DLG2: variants seen among roughly 807,000 people sequenced by gnomAD.
DLG2 encodes the protein disks large homolog 2.
A neutral mutation model predicts 132.5 loss-of-function variants in DLG2; 45 were observed. That is an observed-to-expected ratio of 0.34 (90% CI 0.27 to 0.44). The LOEUF is 0.44. Ranked by LOEUF, DLG2 falls within the 20% of genes least tolerant of loss-of-function variation. The pLI, the probability that DLG2 is intolerant of heterozygous loss-of-function variation, is 1.00. For synonymous variants in DLG2, 424 were observed against 419.6 expected (o/e 1.01, Z -0.13); for missense variants, 1,045 against 1,196.9 (o/e 0.87, Z 1.87).
chr11:84,500,909 T>C (rs974975712), intron 7 of DLG2, among the ~76,000 whole-genome samples: 3 of 152,216 alleles, frequency 2.0e-5, no homozygotes, highest in African/African-American at 4.8e-5. Context: ...ATATTTTATA[T>C]GGCAATTCAC....
chr11:83,875,905 G>C (rs985557720), intron 15 of DLG2, among the ~76,000 whole-genome samples: 1 of 152,114 alleles, frequency 6.6e-6, no homozygotes, highest in African/African-American at 2.4e-5. Flanking sequence ...ACAGAATTTT[G>C]AGACCATAGC....
intron 3 of DLG2, among the ~76,000 whole-genome samples, chr11:85,337,422 T>C (rs2082207649): frequency 6.6e-6 from 1 of 152,134 alleles, no homozygotes; most frequent in Non-Finnish European, 1.5e-5. Flanking sequence ...CACTTCTAGG[T>C]AATGATTCCT....
chr11:84,060,912 C>T (rs1381636021), intron 10 of DLG2, among the ~76,000 whole-genome samples: 1 of 152,146 alleles, frequency 6.6e-6, no homozygotes, highest in Non-Finnish European at 1.5e-5. Context: ...AAATCAACAT[C>T]ATCTCTCAGG....
At chr11:83,920,395 C>T in intron 15 of DLG2, among the ~76,000 whole-genome samples, 1 of 152,142 alleles carries the variant, frequency 6.6e-6, no homozygotes, top group East Asian at 1.9e-4. Context: ...AAATAAAATT[C>T]TACATTCTAA....
intron 4 of DLG2, among the ~76,000 whole-genome samples, chr11:85,228,452 A>G (rs1012622817): frequency 3.3e-5 from 5 of 152,118 alleles, no homozygotes; most frequent in Admixed American, 1.3e-4. Context: ...AGGGAAATAC[A>G]TATTTTAGAA....
At chr11:84,077,912 C>T (rs1270251353) in intron 10 of DLG2, among the ~76,000 whole-genome samples, 1 of 152,086 alleles carries the variant, frequency 6.6e-6, no homozygotes, top group Non-Finnish European at 1.5e-5. Flanking sequence ...AAAACAAAAA[C>T]ACATGTACAA....
At chr11:84,025,451 G>A (rs534355507) in intron 11 of DLG2, among the ~76,000 whole-genome samples, 1 of 152,212 alleles carries the variant, frequency 6.6e-6, no homozygotes, top group East Asian at 1.9e-4. Flanking sequence ...TCTGGATGGG[G>A]ACACAGCCAA....
intron 4 of DLG2, among the ~76,000 whole-genome samples, chr11:85,237,605 C>G (rs1331139577): frequency 6.6e-6 from 1 of 152,022 alleles, no homozygotes; most frequent in Non-Finnish European, 1.5e-5. Context: ...AAGGGGACCC[C>G]TGAAAAACTT....
intron 4 of DLG2, among the ~76,000 whole-genome samples, chr11:85,164,157 CTCTCTT>C (rs372717530): frequency 3.2e-4 from 48 of 152,132 alleles, no homozygotes; most frequent in Admixed American, 8.5e-4. Flanking sequence ...CATAGACTAA[CTCTCTT>C]TCTGACACAA....
At chr11:85,428,814 C>CTTTTCA (rs2090964905) in intron 3 of DLG2, among the ~76,000 whole-genome samples, 2 of 151,990 alleles carry the variant, frequency 1.3e-5, no homozygotes, top group Admixed American at 1.3e-4. Flanking sequence ...ACAAAAAACC[C>CTTTTCA]TTCAAAAAAT....
chr11:84,162,817 T>A (rs1379190301), intron 9 of DLG2, among the ~76,000 whole-genome samples: 1 of 152,166 alleles, frequency 6.6e-6, no homozygotes, highest in Non-Finnish European at 1.5e-5. Context: ...TTTTCATTTG[T>A]TTATTGGCTT....
chr11:83,652,449 C>T (rs1711934111), intron 18 of DLG2, among the ~76,000 whole-genome samples: 1 of 152,190 alleles, frequency 6.6e-6, no homozygotes, highest in Non-Finnish European at 1.5e-5. Flanking sequence ...TGGCTCACTG[C>T]AACCTCCGCC....
chr11:85,455,424 C>A (rs994443104), intron 3 of DLG2, among the ~76,000 whole-genome samples: 2 of 152,162 alleles, frequency 1.3e-5, no homozygotes, highest in Admixed American at 6.6e-5. Context: ...AGCTTTTAGG[C>A]AGAGACTATA....
intron 7 of DLG2, among the ~76,000 whole-genome samples, chr11:84,294,765 G>T (rs556391167): frequency 6.6e-6 from 1 of 151,988 alleles, no homozygotes; most frequent in Non-Finnish European, 1.5e-5. Context: ...ATAGAACTGC[G>T]GTAGCCACAC....
intron 3 of DLG2, among the ~76,000 whole-genome samples, chr11:85,491,461 G>T (rs2093558833): frequency 1.3e-5 from 2 of 151,920 alleles, no homozygotes; most frequent in Non-Finnish European, 2.9e-5. Flanking sequence ...AAATTGTAAA[G>T]AAAAAAGTTA....
chr11:84,800,839 T>A (rs766739241), intron 6 of DLG2: 10 of 152,148 alleles, frequency 6.6e-5, no homozygotes, highest in Non-Finnish European at 1.5e-4. Flanking sequence ...TTTTTACGAG[T>A]CTACAGTTTT....
chr11:85,306,506 G>A (rs2079950922), intron 3 of DLG2, among the ~76,000 whole-genome samples: 2 of 152,214 alleles, frequency 1.3e-5, no homozygotes, highest in African/African-American at 4.8e-5. Context: ...CCAGGTGAAT[G>A]GGGCCGAAGA....
In DLG2 at chr11:83,455,294, T is replaced by C. The variant is rs569341194; in HGVS notation, c.*4524A>G. 6.6e-6 allele frequency: 1 copy of C among 152,550 alleles called. No individual in the cohort carries two copies. The highest frequency in any genetic ancestry group is 1.9e-4 in the East Asian group (1 of 5,156). The allele number at this position is 152,550 out of a possible 1,614,324, so 9.4% of individuals were successfully genotyped here. On this transcript the variant is annotated 3_prime_UTR_variant, in exon 28 of 28. Coordinates refer to ENST00000376104, the MANE Select transcript of DLG2 (RefSeq NM_001142699.3). ...TGTAAACTCCAGCCTAGGCAAGGAG[T>C]ATTCCCACCTCCCTCCCATCCTGTG... is the stretch of plus-strand genomic sequence containing the variant.
chr11:83,497,354 T>C (rs1478288828), intron 21 of DLG2, among the ~76,000 whole-genome samples: 1 of 152,016 alleles, frequency 6.6e-6, no homozygotes, highest in Non-Finnish European at 1.5e-5. Context: ...ACCAGCCTGA[T>C]CAATATGGCA....
Sources: gnomAD v4.1 joint callset for allele counts (sites outside exome capture counted in the v4.1 genomes callset) on GRCh38, gnomAD v4.1.1 for gene constraint, MANE v1.5 for transcripts, NCBI Gene and HGNC (gene_info 2026-07-23, HGNC 2026-07-21) for gene names.